The following COG3 variants were observed in gnomAD, a reference collection of about 807,000 sequenced individuals.
COG3 encodes component of oligomeric golgi complex 3, also known as conserved oligomeric Golgi complex subunit 3.
A neutral mutation model predicts 114.1 loss-of-function variants in COG3; 32 were observed. The observed-to-expected ratio is 0.28, with a 90% CI of 0.21 to 0.38. COG3 has a LOEUF of 0.38. Ranked by LOEUF, COG3 falls within the 10% of genes least tolerant of loss-of-function variation. COG3 has a pLI of 1.00. For synonymous variants in COG3, 352 were observed against 365.7 expected, an observed-to-expected ratio of 0.96 and a Z score of 0.43; for missense variants, 813 against 973.2, an observed-to-expected ratio of 0.84 and a Z score of 2.19.
In COG3 at chr13:45,467,610, G is replaced by A. The variant is rs369191729; in HGVS notation, c.174+2400G>A. Among the ~76,000 whole-genome samples the A allele has an allele frequency of 1.8e-4, 28 of 152,052 alleles. 1 individual carries two copies. In the South Asian group the frequency reaches 5.8e-3, roughly 32 times the overall value. ...ATTCTGTCTCAAAAAGAATGCAGTA[G>A]CCGAGCTGGTTATGCACACATCCTG... On this transcript the variant is annotated intron_variant, in intron 1 of 22. Transcript: ENST00000349995.
intron 16 of COG3, among the ~76,000 whole-genome samples, chr13:45,513,473 TTATATATATAATATATACATATAAATTA>T (rs1160410778): frequency 0.024 from 1,074 of 44,556 alleles, 339 homozygotes; most frequent in Non-Finnish European, 0.031. Flanking sequence ...TACATATAAA[TTATATATATAATATATACATATAAATTA>T]TATATATAAT....
At chr13:45,532,351 G>T (rs1873227103) in intron 22 of COG3, among the ~76,000 whole-genome samples, 1 of 151,738 alleles carries the variant, frequency 6.6e-6, no homozygotes, top group Admixed American at 6.6e-5. Context: ...ATATATAATT[G>T]GGTTTCTTTT....
chr13:45,519,058 G>C lies in COG3; in HGVS notation c.2118G>C (p.Lys706Asn). Residue 706 changes from lysine to asparagine, a missense_variant, in exon 19 of 23, where the codon AAG becomes AAC. Coordinates refer to ENST00000349995, the MANE Select transcript of COG3 (RefSeq NM_031431.4). The part of the protein sequence containing the change: ...ACEQFIQQQT[K>N]LFVEQLEEFM... Reference sequence around the variant, plus strand: ...AGCAGTTTATTCAGCAGCAGACCAAGCTGTTTGTAGAACAGCTGGAGGAGT... The same window carrying C: ...AGCAGTTTATTCAGCAGCAGACCAACCTGTTTGTAGAACAGCTGGAGGAGT... 6.2e-7 allele frequency: 1 copy of C among 1,614,208 alleles called. No homozygotes were observed. Among genetic ancestry groups the C allele is most frequent in the South Asian group, 1.1e-5 (1 of 91,088 alleles).
In COG3 at chr13:45,482,467, A is replaced by T; in HGVS notation, c.711A>T (p.Ser237=). ...TAGATGATTGTATAACATATATCTC[A>T]TCTCATGTAAGTCAGAGTATTTTTG... is the stretch of plus-strand genomic sequence containing the variant. The part of the protein sequence containing the change: ...AKLDDCITYI[S]SHPNFKDYPI... Residue 237 remains serine, a synonymous_variant, in exon 6 of 23, where the codon TCA becomes TCT. Coordinates refer to ENST00000349995, the MANE Select transcript of COG3 (RefSeq NM_031431.4). The T allele has an allele frequency of 7.0e-7, 1 of 1,431,604 alleles. No individual in the cohort carries two copies. The highest frequency in any genetic ancestry group is 9.7e-7 in the Non-Finnish European group (1 of 1,028,454). 88.7% of individuals were successfully genotyped at this position (1,431,604 alleles called of 1,614,324 possible). A position where few individuals can be genotyped will look rare whatever the true frequency, so the allele number is the denominator to read the frequency against.
intron 5 of COG3, 137 bp downstream of exon 5, chr13:45,481,441 T>C (rs1039113746): frequency 1.7e-6 from 1 of 601,888 alleles, no homozygotes; most frequent in Non-Finnish European, 3.0e-6. Flanking sequence ...TATTCCTATT[T>C]GTAGACAGTG....
At chr13:45,477,620 G>A (rs1473225366) in intron 2 of COG3, among the ~76,000 whole-genome samples, 2 of 149,250 alleles carry the variant, frequency 1.3e-5, no homozygotes, top group Non-Finnish European at 2.9e-5. Flanking sequence ...TGATACCAGA[G>A]TCCATATTCT....
Position 45,508,401 on chromosome 13 carries a change from T to C in COG3, c.1595-1291T>C, listed in dbSNP as rs1179428199. Among the ~76,000 whole-genome samples the C allele has an allele frequency of 1.5e-3, 168 of 109,422 alleles. 1 individual carries two copies. The highest frequency in any genetic ancestry group is 6.3e-3 in the African/African-American group (152 of 24,078). 71.8% of individuals were successfully genotyped at this position (109,422 alleles called of 152,430 possible). A position where few individuals can be genotyped will look rare whatever the true frequency, so the allele number is the denominator to read the frequency against. ...ATATATATTTTTATATATATATATA[T>C]ATACACACACACACACACACACACA... On this transcript the variant is annotated intron_variant, in intron 14 of 22. Transcript: ENST00000349995.
At chr13:45,479,301 G>A (rs1690374304) in intron 3 of COG3, among the ~76,000 whole-genome samples, 1 of 152,224 alleles carries the variant, frequency 6.6e-6, no homozygotes, top group African/African-American at 2.4e-5. Flanking sequence ...AGGGATAGAT[G>A]TTAGTTTTTA....
intron 4 of COG3, among the ~76,000 whole-genome samples, chr13:45,480,507 T>C (rs978081911): frequency 6.6e-6 from 1 of 152,236 alleles, no homozygotes; most frequent in African/African-American, 2.4e-5. Context: ...CTGTTAGGTC[T>C]CAGTACAATT....
At position 45,490,927 on chromosome 13, in the gene COG3, C is replaced by G. The variant is rs1201740763; in HGVS notation, c.937C>G (p.Gln313Glu). Reference protein sequence around the residue: ...AAPKVRTLIEQIELRSEKIPE... With the variant: ...AAPKVRTLIEEIELRSEKIPE... ...TCTTACTTTGCAGACTCTTATTGAACAAATAGAACTGCGGTCTGAAAAAAT... is the reference window on the plus strand; with the variant it reads ...TCTTACTTTGCAGACTCTTATTGAAGAAATAGAACTGCGGTCTGAAAAAAT... The change falls in exon 9 of 23, where the codon CAA becomes GAA. Residue 313 changes from glutamine (Q) to glutamate (E), a missense_variant. By Grantham distance (29) the Gln-to-Glu change is conservative. Around this residue, in one of 2 missense-constraint regions of COG3, gnomAD observed 424 missense variants for 430.6 expected, o/e 0.98. Transcript: ENST00000349995. 6.3e-7 allele frequency: 1 copy of G among 1,594,826 alleles called. No individual in the cohort carries two copies. Among genetic ancestry groups the G allele is most frequent in the Non-Finnish European group, 8.6e-7 (1 of 1,167,316 alleles).
chr13:45,535,167 C>G lies in COG3; in HGVS notation c.*436C>G. 1 of 990,406 alleles carries G rather than the reference C, an allele frequency of 1.0e-6. No homozygotes were observed. The highest frequency in any genetic ancestry group is 1.2e-6 in the Non-Finnish European group (1 of 833,416). 61.4% of individuals were successfully genotyped at this position (990,406 alleles called of 1,614,324 possible). ...GTAACACTTTTAACCACTGAGCATT[C>G]CACAGTGAAATGTTATTTCTATGCT... On this transcript the variant is annotated 3_prime_UTR_variant, in exon 23 of 23. Transcript: ENST00000349995.
rs538606743 is a variant in COG3, at chr13:45,516,377, C to G, written c.1930+114C>G. On this transcript the variant is annotated intron_variant, in intron 17 of 22. Coordinates refer to ENST00000349995, the MANE Select transcript of COG3 (RefSeq NM_031431.4). ...TGCAATTTTTTGCATGCTTTGCTTG[C>G]TAAATATGTTATTTGTTCGTACTAA... 62 of 883,764 alleles carry G rather than the reference C, an allele frequency of 7.0e-5. No homozygotes were observed. The African/African-American group carries it at 9.6e-4, about 14-fold the overall frequency. The allele number at this position is 883,764 out of a possible 1,614,324, so 54.7% of individuals were successfully genotyped here.
chr13:45,486,525 G>A lies in COG3; in HGVS notation c.874G>A (p.Ala292Thr). The A allele has an allele frequency of 6.2e-7, 1 of 1,610,752 alleles. No individual in the cohort carries two copies. Residue 292 changes from alanine (A) to threonine (T), a missense_variant, in exon 8 of 23, where the codon GCC (alanine) becomes ACC (threonine). Ala to Thr is a moderately conservative substitution (Grantham distance 58). Transcript: ENST00000349995. ...TTCATCTGTACCTAATGCAGACAATGCCTTCACATTATTTTATGTGAAATT... is the reference window on the plus strand; with the variant it reads ...TTCATCTGTACCTAATGCAGACAATACCTTCACATTATTTTATGTGAAATT... ...DPSSVPNADN[A>T]FTLFYVKFRA...
intron 13 of COG3, among the ~76,000 whole-genome samples, chr13:45,502,326 A>G (rs1006986494): frequency 7.2e-5 from 11 of 152,176 alleles, no homozygotes; most frequent in Admixed American, 2.0e-4. Context: ...AAAGTTTTCT[A>G]TATGCTCCCT....
chr13:45,525,923 T>C (rs1025109858), intron 20 of COG3, among the ~76,000 whole-genome samples: 1 of 151,822 alleles, frequency 6.6e-6, no homozygotes, highest in Non-Finnish European at 1.5e-5. Context: ...ATTCTGGCTT[T>C]GCATCCATGA....
chr13:45,534,833 C>T lies in COG3; in HGVS notation c.*102C>T, dbSNP rs1555301172. 7.0e-7 allele frequency: 1 copy of T among 1,431,040 alleles called. No homozygotes were observed. 88.6% of individuals were successfully genotyped at this position (1,431,040 alleles called of 1,614,324 possible). Reference sequence around the variant, plus strand: ...CGAGGAATCGTATGTGGGAACGTCCCCGAGAACCACACGAGCGTGCTGCTC... The same window carrying T: ...CGAGGAATCGTATGTGGGAACGTCCTCGAGAACCACACGAGCGTGCTGCTC... On this transcript the variant is annotated 3_prime_UTR_variant, in exon 23 of 23. Coordinates refer to ENST00000349995, the MANE Select transcript of COG3 (RefSeq NM_031431.4).
In COG3 at chr13:45,482,451, G is replaced by T. The variant is rs377758328; in HGVS notation, c.695G>T (p.Cys232Phe). ...CCTATGCTGGCCAAGTTAGATGATT[G>T]TATAACATATATCTCATCTCATGTA... ...FIPMLAKLDD[C>F]ITYISSHPNF... Residue 232 changes from cysteine (C) to phenylalanine (F), a missense_variant, in exon 6 of 23, where the codon TGT becomes TTT. By Grantham distance (205) the Cys-to-Phe change is radical (BLOSUM62 -2). Around this residue, in one of 2 missense-constraint regions of COG3, gnomAD observed 424 missense variants for 430.6 expected, o/e 0.98. Transcript: ENST00000349995. The T allele has an allele frequency of 6.5e-7, 1 of 1,530,098 alleles. No homozygotes were observed. The highest frequency in any genetic ancestry group is 1.7e-4 in the Middle Eastern group (1 of 5,890). 94.8% of individuals were successfully genotyped at this position (1,530,098 alleles called of 1,614,324 possible).
At chr13:45,477,631 C>T (rs1411653200) in intron 2 of COG3, among the ~76,000 whole-genome samples, 1 of 142,988 alleles carries the variant, frequency 7.0e-6, no homozygotes, top group Non-Finnish European at 1.5e-5. Flanking sequence ...TCCATATTCT[C>T]TTTTTTTTTT....
intron 12 of COG3, among the ~76,000 whole-genome samples, chr13:45,494,916 G>T (rs1868571004): frequency 6.8e-6 from 1 of 147,418 alleles, no homozygotes; most frequent in African/African-American, 2.5e-5. Flanking sequence ...CGCGATCTCG[G>T]CTCACTGCAG....
Sources: allele counts gnomAD v4.1 joint callset (sites outside exome capture counted in the v4.1 genomes callset), GRCh38; gene constraint gnomAD v4.1.1; regional missense constraint gnomAD v4.1.1; transcripts MANE v1.5; gene names NCBI Gene and HGNC (gene_info 2026-07-23, HGNC 2026-07-21).